The following ZNF804B variants were observed in gnomAD, a reference collection of about 807,000 sequenced individuals.
The protein encoded by ZNF804B is zinc finger protein 804B.
A neutral mutation model predicts 101.4 loss-of-function variants in ZNF804B; 80 were observed. The observed-to-expected ratio is 0.79, with a 90% CI of 0.66 to 0.95. The LOEUF (loss-of-function observed/expected upper bound fraction) is 0.95. Among genes scored for constraint, ZNF804B ranks in the 40% least tolerant of loss-of-function variants. ZNF804B has a pLI of 0.00. For synonymous variants in ZNF804B, 622 were observed against 558.8 expected, an observed-to-expected ratio of 1.11 and a Z score of -1.59; for missense variants, 1,673 against 1,561.9, an observed-to-expected ratio of 1.07 and a Z score of -1.20.
At chr7:89,273,537 G>A (rs1789930827) in intron 2 of ZNF804B, among the ~76,000 whole-genome samples, 2 of 152,088 alleles carry the variant, frequency 1.3e-5, no homozygotes, top group South Asian at 4.1e-4. Context: ...TTTACTGCTA[G>A]AAGCTTACAA....
intron 1 of ZNF804B, among the ~76,000 whole-genome samples, chr7:88,980,390 A>G (rs561304642): frequency 6.6e-6 from 1 of 152,042 alleles, no homozygotes; most frequent in South Asian, 2.1e-4. Context: ...GGCATTGAGG[A>G]GTTAGATATT....
intron 2 of ZNF804B, among the ~76,000 whole-genome samples, chr7:89,243,705 T>G (rs1459084755): frequency 6.6e-6 from 1 of 151,920 alleles, no homozygotes; most frequent in Non-Finnish European, 1.5e-5. Context: ...AAAGCAGTCT[T>G]ATCTATTGTG....
intron 2 of ZNF804B, among the ~76,000 whole-genome samples, chr7:89,280,313 T>C (rs916542430): frequency 2.6e-5 from 4 of 151,280 alleles, no homozygotes; most frequent in South Asian, 2.1e-4. Context: ...GCAGGAAAGA[T>C]CCAAAATTGA....
chr7:89,216,929 T>A (rs1788904863), intron 1 of ZNF804B, among the ~76,000 whole-genome samples: 2 of 152,230 alleles, frequency 1.3e-5, no homozygotes, highest in Non-Finnish European at 2.9e-5. Flanking sequence ...AAAGTGCCAG[T>A]CACTCTTTTA....
intron 1 of ZNF804B, among the ~76,000 whole-genome samples, chr7:88,905,798 C>T (rs991148742): frequency 3.3e-5 from 5 of 151,696 alleles, no homozygotes; most frequent in Non-Finnish European, 5.9e-5. Flanking sequence ...GGATAAGCTC[C>T]TTCTCCCTGA....
chr7:89,064,522 C>T (rs976852863), intron 1 of ZNF804B, among the ~76,000 whole-genome samples: 2 of 152,126 alleles, frequency 1.3e-5, no homozygotes, highest in African/African-American at 2.4e-5. Context: ...GATTAGAGCT[C>T]ACATCTTGAG....
intron 1 of ZNF804B, among the ~76,000 whole-genome samples, chr7:89,170,442 A>G (rs1399269872): frequency 1.3e-5 from 2 of 152,216 alleles, no homozygotes; most frequent in Non-Finnish European, 2.9e-5. Flanking sequence ...ATCTTTGTTA[A>G]TAAACCTATG....
intron 1 of ZNF804B, among the ~76,000 whole-genome samples, chr7:88,877,013 TATATATATATATA>T (rs1308404393): frequency 4.5e-4 from 31 of 68,956 alleles, no homozygotes; most frequent in African/African-American, 2.6e-3. Flanking sequence ...AAAAAATATA[TATATATATATATA>T]ATATATATAT....
intron 1 of ZNF804B, among the ~76,000 whole-genome samples, chr7:89,010,777 A>G (rs1019459634): frequency 6.6e-6 from 1 of 152,220 alleles, no homozygotes; most frequent in Non-Finnish European, 1.5e-5. Flanking sequence ...TTGTGTTTCA[A>G]ACCAGAATCT....
intron 1 of ZNF804B, among the ~76,000 whole-genome samples, chr7:88,998,077 A>G (rs1364352419): frequency 6.6e-6 from 1 of 152,026 alleles, no homozygotes; most frequent in African/African-American, 2.4e-5. Context: ...ATGTGATGTC[A>G]CTGCCTGTCA....
chr7:89,067,486 A>C (rs978490408), intron 1 of ZNF804B, among the ~76,000 whole-genome samples: 1 of 152,162 alleles, frequency 6.6e-6, no homozygotes. Flanking sequence ...AGGTGTATGC[A>C]TGCTACCAAA....
At chr7:89,117,959 C>T (rs1046909339) in intron 1 of ZNF804B, among the ~76,000 whole-genome samples, 1 of 152,002 alleles carries the variant, frequency 6.6e-6, no homozygotes, top group Non-Finnish European at 1.5e-5. Context: ...CATTTGTTAG[C>T]AGACTTTTGA....
At position 88,968,924 on chromosome 7, in the gene ZNF804B, T is replaced by A. The variant is rs193219873; in HGVS notation, c.108+208840T>A. On this transcript the variant is annotated intron_variant, in intron 1 of 3. Transcript: ENST00000333190. ...TTCTACATATATGTTTATTGTTAAATGCATATTTTATATGTTTACAATTAC... is the reference window on the plus strand; with the variant it reads ...TTCTACATATATGTTTATTGTTAAAAGCATATTTTATATGTTTACAATTAC... 1.2e-3 allele frequency among the ~76,000 whole-genome samples: 182 copies of A among 151,744 alleles called. 1 individual carries two copies. The highest frequency in any genetic ancestry group is 6.8e-3 in the Middle Eastern group (2 of 294).
At chr7:88,918,243 C>T (rs928906111) in intron 1 of ZNF804B, among the ~76,000 whole-genome samples, 2 of 152,002 alleles carry the variant, frequency 1.3e-5, no homozygotes, top group African/African-American at 4.8e-5. Flanking sequence ...TAAGTATAAT[C>T]CGTTGGCATG....
chr7:89,308,499 A>T, intron 2 of ZNF804B, among the ~76,000 whole-genome samples: 1 of 152,184 alleles, frequency 6.6e-6, no homozygotes, highest in East Asian at 1.9e-4. Context: ...GTATTTTTGC[A>T]TTCTAGAGAC....
intron 2 of ZNF804B, among the ~76,000 whole-genome samples, chr7:89,324,607 C>CTTTTTTTTTTTTTTTT (rs35905388): frequency 9.1e-6 from 1 of 109,560 alleles, no homozygotes; most frequent in Admixed American, 9.3e-5. Flanking sequence ...TACCTTCTTA[C>CTTTTTTTTTTTTTTTT]TTTTTTTTTT....
At chr7:89,144,048 G>A (rs1019735870) in intron 1 of ZNF804B, among the ~76,000 whole-genome samples, 3 of 151,556 alleles carry the variant, frequency 2.0e-5, no homozygotes, top group African/African-American at 7.3e-5. Context: ...CCTACTGAAT[G>A]AAAAAAAGTA....
chr7:89,145,133 A>C (rs73202568), intron 1 of ZNF804B, among the ~76,000 whole-genome samples: 14,381 of 152,014 alleles, frequency 0.095, 754 homozygotes, highest in Middle Eastern at 0.15. Flanking sequence ...ATTCAAAAAA[A>C]CGAAAATAAA....
chr7:89,215,207 T>C (rs1402136023), intron 1 of ZNF804B, among the ~76,000 whole-genome samples: 2 of 152,284 alleles, frequency 1.3e-5, no homozygotes, highest in East Asian at 1.9e-4. Context: ...AAATGTGATA[T>C]GTAGTTTAGT....
Sources: allele counts gnomAD v4.1 joint callset (sites outside exome capture counted in the v4.1 genomes callset), GRCh38; gene constraint gnomAD v4.1.1; transcripts MANE v1.5; gene names NCBI Gene and HGNC (gene_info 2026-07-23, HGNC 2026-07-21).